NUP210L: variants seen among roughly 807,000 people sequenced by gnomAD.
NUP210L encodes nuclear pore membrane glycoprotein 210-like.
A neutral mutation model predicts 208.5 loss-of-function variants in NUP210L; 74 were observed. The ratio of observed to expected loss-of-function variants is 0.35; its 90% CI spans 0.29 to 0.43. The LOEUF is 0.43. NUP210L is among the 20% of genes least tolerant of loss of function. The probability of loss-of-function intolerance (pLI) is 1.00; values close to 1 mark genes in which losing one functional copy is unlikely to be tolerated. For missense variants in NUP210L, 1,843 were observed against 2,289.4 expected (o/e 0.81, Z 3.98); for synonymous variants, 780 against 816.9 (o/e 0.95, Z 0.77).
intron 7 of NUP210L, among the ~76,000 whole-genome samples, chr1:154,135,159 T>G (rs985400316): frequency 6.6e-6 from 1 of 152,188 alleles, no homozygotes; most frequent in Non-Finnish European, 1.5e-5. Context: ...ATTTTCTCAA[T>G]TATCATGTAC....
intron 26 of NUP210L, 28 bp downstream of exon 26, chr1:154,046,261 G>A (rs762862493): frequency 5.0e-6 from 8 of 1,613,852 alleles, no homozygotes; most frequent in African/African-American, 1.3e-5. Context: ...TCAGAATAAT[G>A]AGCCCTGAAC....
exon 31 of NUP210L, chr1:154,023,168 C>T: frequency 1.2e-6 from 2 of 1,614,012 alleles, no homozygotes; most frequent in Non-Finnish European, 1.7e-6. Flanking sequence ...TGGAATTTCT[C>T]TCCGATACTA....
chr1:154,023,046 G>C, intron 31 of NUP210L, 76 bp downstream of exon 31: 1 of 1,330,608 alleles, frequency 7.5e-7, no homozygotes. Flanking sequence ...GGAATTTACT[G>C]GAGCTGCTAT....
chr1:154,130,261 C>T (rs1437038954), intron 7 of NUP210L, among the ~76,000 whole-genome samples: 3 of 151,962 alleles, frequency 2.0e-5, no homozygotes, highest in African/African-American at 7.2e-5. Flanking sequence ...ATTGCTTGAA[C>T]CCAGGAGGCA....
At chr1:154,146,924 A>T (rs1032189366) in intron 2 of NUP210L, among the ~76,000 whole-genome samples, 8 of 152,044 alleles carry the variant, frequency 5.3e-5, no homozygotes, top group African/African-American at 1.9e-4. Flanking sequence ...CCTGGGCTCA[A>T]GTGATCCTCC....
intron 35 of NUP210L, among the ~76,000 whole-genome samples, chr1:154,006,966 A>ATAT (rs1211789619): frequency 1.7e-5 from 2 of 115,786 alleles, no homozygotes; most frequent in South Asian, 2.8e-4. Flanking sequence ...ATATATATAT[A>ATAT]TTTTTTTTTT....
intron 27 of NUP210L, among the ~76,000 whole-genome samples, chr1:154,033,443 G>A (rs1652365433): frequency 1.3e-5 from 2 of 152,100 alleles, no homozygotes; most frequent in Admixed American, 6.6e-5. Flanking sequence ...GAGATGGGGT[G>A]TAGTTTCATT....
chr1:154,029,575 T>C (rs1179261948), intron 28 of NUP210L, among the ~76,000 whole-genome samples: 1 of 150,112 alleles, frequency 6.7e-6, no homozygotes, highest in African/African-American at 2.4e-5. Context: ...TGGTGGCACA[T>C]GCTACTCGGG....
intron 12 of NUP210L, among the ~76,000 whole-genome samples, chr1:154,106,233 C>G (rs1216580798): frequency 6.6e-6 from 1 of 152,010 alleles, no homozygotes; most frequent in East Asian, 1.9e-4. Context: ...TGCACTCCAG[C>G]CTGGGTGACA....
chr1:154,024,653 G>A (rs1651753342), intron 30 of NUP210L, among the ~76,000 whole-genome samples: 1 of 150,930 alleles, frequency 6.6e-6, no homozygotes, highest in African/African-American at 2.4e-5. Context: ...CTCCCAAGCA[G>A]CTAGGACTGC....
chr1:153,993,173 T>C, intron 38 of NUP210L, 84 bp from the exon 39 acceptor site: 2 of 835,586 alleles, frequency 2.4e-6, no homozygotes, highest in Non-Finnish European at 3.8e-6. Flanking sequence ...AGAATATTGC[T>C]AAAAATAATT....
Position 154,118,465 on chromosome 1 carries a change from G to A in NUP210L, c.1464+206C>T, listed in dbSNP as rs1657442032. Among the ~76,000 whole-genome samples, 2 of 152,144 alleles carry A rather than the reference G, an allele frequency of 1.3e-5. 1 individual carries two copies. Among genetic ancestry groups the A allele is most frequent in the Admixed American group, 1.3e-4 (2 of 15,250 alleles). On this transcript the variant is annotated intron_variant, in intron 11 of 39. Transcript: ENST00000368559. ...AACTTTATAAAACTCACAAGGAAAG[G>A]ATATTGGGAAGAGAGACAGAAAGCA...
intron 17 of NUP210L, among the ~76,000 whole-genome samples, chr1:154,065,616 G>A (rs189384956): frequency 6.6e-6 from 1 of 152,062 alleles, no homozygotes; most frequent in Admixed American, 6.5e-5. Context: ...TTTAGGGCTG[G>A]GTGTGGCAGC....
At chr1:154,119,682 G>A (rs1273281352) in intron 10 of NUP210L, among the ~76,000 whole-genome samples, 1 of 152,108 alleles carries the variant, frequency 6.6e-6, no homozygotes, top group East Asian at 1.9e-4. Flanking sequence ...GTGGATTTTG[G>A]TATATGTGGG....
At chr1:154,127,537 G>C (rs1658045392) in intron 8 of NUP210L, 120 bp from the exon 9 acceptor site, 1 of 390,670 alleles carries the variant, frequency 2.6e-6, no homozygotes, top group African/African-American at 2.2e-5. Flanking sequence ...GATGGAGATG[G>C]TTTCCAAAGT....
At chr1:154,127,534 A>T in intron 8 of NUP210L, 117 bp from the exon 9 acceptor site, 38 of 354,328 alleles carry the variant, frequency 1.1e-4, no homozygotes, top group East Asian at 2.0e-4. Flanking sequence ...ATAGATGGAG[A>T]TGGTTTCCAA....
intron 23 of NUP210L, among the ~76,000 whole-genome samples, chr1:154,055,809 C>T (rs1467943578): frequency 6.6e-6 from 1 of 152,134 alleles, no homozygotes; most frequent in Non-Finnish European, 1.5e-5. Context: ...AGTAGGAATA[C>T]TAAAATAAGT....
At chr1:154,025,800 T>G (rs879579631) in intron 29 of NUP210L, 84 bp from the exon 30 acceptor site, 108 of 1,205,642 alleles carry the variant, frequency 9.0e-5, no homozygotes, top group Non-Finnish European at 1.2e-4. Flanking sequence ...AGGATTACTG[T>G]TAGGGGATGT....
rs1022626003 is a variant in NUP210L at position 153,995,676 on chromosome 1, A to C, written c.5387-496T>G. The C allele has an allele frequency of 2.7e-5, 36 of 1,315,378 alleles. No individual in the cohort carries two copies. The African/African-American group carries it at 5.1e-4, about 19-fold the overall frequency. 81.5% of individuals were successfully genotyped at this position (1,315,378 alleles called of 1,614,324 possible). A position where few individuals can be genotyped will look rare whatever the true frequency, so the allele number is the denominator to read the frequency against. On this transcript the variant is annotated intron_variant, in intron 37 of 39. Coordinates refer to ENST00000368559, the Ensembl canonical transcript of NUP210L. Reference sequence around the variant, plus strand: ...ACCAACGTAGGCTTTCCTACAATACAGCCTCTAACAAAACTAGGCTGTCCC... The same window carrying C: ...ACCAACGTAGGCTTTCCTACAATACCGCCTCTAACAAAACTAGGCTGTCCC...
Sources: allele counts gnomAD v4.1 joint callset (sites outside exome capture counted in the v4.1 genomes callset), GRCh38; gene constraint gnomAD v4.1.1; transcripts MANE v1.5; gene names NCBI Gene and HGNC (gene_info 2026-07-23, HGNC 2026-07-21).